Variants in PRKN observed in about 807,000 individuals in gnomAD.
PRKN encodes the protein parkin RBR E3 ubiquitin protein ligase.
In PRKN, 56 loss-of-function variants were observed where a neutral mutation model predicts 59.5. The observed-to-expected ratio is 0.94, with a 90% CI of 0.76 to 1.18. The LOEUF is 1.18. Among genes scored for constraint, PRKN ranks in the 50% most tolerant of loss-of-function variants. The pLI is 0.00. For synonymous variants in PRKN, 250 were observed against 222.1 expected (o/e 1.13, Z -1.12); for missense variants, 657 against 596.4 (o/e 1.10, Z -1.06).
rs769834230 is a variant in PRKN, at chr6:161,952,290, G to A, written c.734+21012C>T. ...GTGAAAAAGATGGTCAGTGAAGAGA[G>A]GCTTTATCAAACATATTTCAAACTT... On this transcript the variant is annotated intron_variant, in intron 6 of 11. Transcript: ENST00000366898. Among the ~76,000 whole-genome samples, 81 of 152,218 alleles carry A rather than the reference G, an allele frequency of 5.3e-4. 1 individual carries two copies. Among genetic ancestry groups the A allele is most frequent in the Non-Finnish European group, 9.4e-4 (64 of 68,028 alleles).
At chr6:161,722,516 A>G (rs1262452697) in intron 7 of PRKN, among the ~76,000 whole-genome samples, 1 of 152,136 alleles carries the variant, frequency 6.6e-6, no homozygotes, top group Non-Finnish European at 1.5e-5. Flanking sequence ...CCCTGGCTAC[A>G]TATCTGGTAA....
chr6:161,767,158 T>C (rs1404305500), intron 7 of PRKN, among the ~76,000 whole-genome samples: 2 of 152,216 alleles, frequency 1.3e-5, no homozygotes, highest in Non-Finnish European at 2.9e-5. Flanking sequence ...AGTTAGCTAA[T>C]GAGTGCATCT....
chr6:162,381,947 C>T (rs1420116598), intron 2 of PRKN, among the ~76,000 whole-genome samples: 1 of 152,066 alleles, frequency 6.6e-6, no homozygotes, highest in Non-Finnish European at 1.5e-5. Flanking sequence ...TATAACACAG[C>T]ACAATTGCAG....
intron 2 of PRKN, among the ~76,000 whole-genome samples, chr6:162,368,291 G>A (rs1251981583): frequency 4.6e-5 from 7 of 152,120 alleles, no homozygotes; most frequent in Non-Finnish European, 8.8e-5. Context: ...ACTCTAAAAT[G>A]TATTTTTAGA....
At chr6:162,394,241 C>T (rs1787361796) in intron 2 of PRKN, among the ~76,000 whole-genome samples, 1 of 152,140 alleles carries the variant, frequency 6.6e-6, no homozygotes, top group African/African-American at 2.4e-5. Context: ...AGGTGCAATG[C>T]AAAAGGTCCT....
At chr6:161,696,274 G>C (rs892499742) in intron 7 of PRKN, among the ~76,000 whole-genome samples, 1 of 152,114 alleles carries the variant, frequency 6.6e-6, no homozygotes, top group Non-Finnish European at 1.5e-5. Context: ...GTCCTTTCAG[G>C]GTTGACACCC....
At position 161,581,557 on chromosome 6, in the gene PRKN, T is replaced by C. The variant is rs1313929225; in HGVS notation, c.872-12141A>G. ...AGAGGATATGCTGAAGTCTGAGGTT[T>C]GAGTCACTGGACAATCAGAAGCAAA... On this transcript the variant is annotated intron_variant, in intron 7 of 11. Coordinates refer to ENST00000366898, the MANE Select transcript of PRKN (RefSeq NM_004562.3). The surrounding 1 kb of genome is among the most constrained non-coding windows in gnomAD (Gnocchi z 4.5). 2.0e-5 allele frequency among the ~76,000 whole-genome samples: 3 copies of C among 152,172 alleles called. No individual in the cohort carries two copies. The highest frequency in any genetic ancestry group is 4.8e-5 in the African/African-American group (2 of 41,416).
chr6:162,647,640 G>A (rs1342977599), intron 1 of PRKN, among the ~76,000 whole-genome samples: 1 of 151,980 alleles, frequency 6.6e-6, no homozygotes, highest in Non-Finnish European at 1.5e-5. Flanking sequence ...ACTATTCAGG[G>A]CTTTCTGGAA....
At chr6:162,233,114 C>T (rs1778493761) in intron 3 of PRKN, among the ~76,000 whole-genome samples, 1 of 152,122 alleles carries the variant, frequency 6.6e-6, no homozygotes, top group South Asian at 2.1e-4. Flanking sequence ...CTATAGTCAC[C>T]CTTGTGTACA....
chr6:161,779,122 T>A (rs2128205262), intron 7 of PRKN, among the ~76,000 whole-genome samples: 1 of 152,122 alleles, frequency 6.6e-6, no homozygotes, highest in South Asian at 2.1e-4. Context: ...GTATTTTCAC[T>A]GGACACGGGG....
rs1467576512 is a variant in PRKN, at chr6:161,357,713, A to G, written c.1285+2375T>C. 6.6e-6 allele frequency among the ~76,000 whole-genome samples: 1 copy of G among 152,118 alleles called. No individual in the cohort carries two copies. The highest frequency in any genetic ancestry group is 6.6e-5 in the Admixed American group (1 of 15,258). ...TGATTCTATTTTTTCCCACACACAC[A>G]TTTGTTTCAAAACAGACATATGTGC... On this transcript the variant is annotated intron_variant, in intron 11 of 11. Transcript: ENST00000366898. The surrounding 1 kb of genome is among the most constrained non-coding windows in gnomAD (Gnocchi z 5.5).
At chr6:162,562,653 T>C (rs1779890724) in intron 1 of PRKN, among the ~76,000 whole-genome samples, 1 of 152,156 alleles carries the variant, frequency 6.6e-6, no homozygotes, top group Non-Finnish European at 1.5e-5. Context: ...CTGTATTTTG[T>C]GTTTTGAGTG....
chr6:162,492,850 G>T (rs1054129623), intron 1 of PRKN, among the ~76,000 whole-genome samples: 1 of 151,718 alleles, frequency 6.6e-6, no homozygotes, highest in African/African-American at 2.4e-5. Flanking sequence ...CTACCCAGGA[G>T]GCTAAGGCAG....
At chr6:162,612,112 G>A (rs1397181311) in intron 1 of PRKN, among the ~76,000 whole-genome samples, 1 of 148,166 alleles carries the variant, frequency 6.7e-6, no homozygotes, top group Admixed American at 6.8e-5. Context: ...AGAATGGCGT[G>A]AACCCGGGAG....
At chr6:162,337,290 C>A (rs1244835529) in intron 2 of PRKN, among the ~76,000 whole-genome samples, 1 of 152,160 alleles carries the variant, frequency 6.6e-6, no homozygotes, top group African/African-American at 2.4e-5. Context: ...AAAGTTATCT[C>A]ACCTCCCCCA....
chr6:162,229,927 A>G (rs1257391250), intron 3 of PRKN, among the ~76,000 whole-genome samples: 1 of 152,190 alleles, frequency 6.6e-6, no homozygotes, highest in East Asian at 1.9e-4. Flanking sequence ...GGTCAGCTCC[A>G]TGAGGCTAGG....
rs1583003918 is a variant in PRKN at position 161,385,877 on chromosome 6, C to A, written c.1167+917G>T. Among the ~76,000 whole-genome samples, 1 of 152,288 alleles carries A rather than the reference C, an allele frequency of 6.6e-6. No individual in the cohort carries two copies. The highest frequency in any genetic ancestry group is 1.5e-5 in the Non-Finnish European group (1 of 68,020). ...AATCCACTCATATGCTCATGGCTGG[C>A]AATTTAGGAGCAGACGAGAAGACCC... On this transcript the variant is annotated intron_variant, in intron 10 of 11. Coordinates refer to ENST00000366898, the MANE Select transcript of PRKN (RefSeq NM_004562.3). This position sits in a 1 kb window ranked among gnomAD's most constrained non-coding sequence, Gnocchi z 4.9.
At chr6:162,597,223 C>T (rs2128215729) in intron 1 of PRKN, among the ~76,000 whole-genome samples, 1 of 152,180 alleles carries the variant, frequency 6.6e-6, no homozygotes, top group South Asian at 2.1e-4. Context: ...TTAGGCAATG[C>T]TTCCTTATTT....
chr6:161,827,030 A>C (rs1287504004), intron 6 of PRKN, among the ~76,000 whole-genome samples: 1 of 152,210 alleles, frequency 6.6e-6, no homozygotes, highest in Non-Finnish European at 1.5e-5. Flanking sequence ...TAGGTAGGGA[A>C]TGAGCTTGGA....
Sources: gnomAD v4.1 joint callset for allele counts (sites outside exome capture counted in the v4.1 genomes callset) on GRCh38, gnomAD v4.1.1 for gene constraint, Gnocchi (gnomAD v3.1) non-coding constraint, MANE v1.5 for transcripts, NCBI Gene and HGNC (gene_info 2026-07-23, HGNC 2026-07-21) for gene names.